Variants in PRKAR2A observed in about 807,000 individuals in gnomAD.
The protein encoded by PRKAR2A is protein kinase cAMP-dependent type II regulatory subunit alpha.
A neutral mutation model predicts 51.9 loss-of-function variants in PRKAR2A; 29 were observed. The observed-to-expected ratio is 0.56, with a 90% confidence interval of 0.42 to 0.76. The LOEUF (loss-of-function observed/expected upper bound fraction) is 0.76, where lower values mean the gene tolerates loss of function less well. Among genes scored for constraint, PRKAR2A ranks in the 30% least tolerant of loss-of-function variants. The probability of loss-of-function intolerance (pLI) is 0.00; values close to 1 mark genes in which losing one functional copy is unlikely to be tolerated. For missense variants in PRKAR2A, 445 were observed against 512.1 expected, an observed-to-expected ratio of 0.87 and a Z score of 1.26; for synonymous variants, 178 against 186.2, an observed-to-expected ratio of 0.96 and a Z score of 0.36.
At chr3:48,813,204 G>A (rs1474034405) in intron 1 of PRKAR2A, among the ~76,000 whole-genome samples, 1 of 149,736 alleles carries the variant, frequency 6.7e-6, no homozygotes, top group African/African-American at 2.5e-5. Flanking sequence ...AGACCAACCT[G>A]GGCAAGGTGG....
At chr3:48,832,502 T>C (rs1295538625) in intron 1 of PRKAR2A, among the ~76,000 whole-genome samples, 2 of 152,070 alleles carry the variant, frequency 1.3e-5, no homozygotes, top group Non-Finnish European at 2.9e-5. Flanking sequence ...AAGAAACATA[T>C]ACTAAATTTT....
intron 5 of PRKAR2A, among the ~76,000 whole-genome samples, chr3:48,780,459 C>T (rs371338066): frequency 1.3e-5 from 2 of 150,878 alleles, no homozygotes; most frequent in South Asian, 2.1e-4. Context: ...AAAAATTAGC[C>T]GGGCATGGTG....
chr3:48,822,289 C>T (rs1433311396), intron 1 of PRKAR2A, among the ~76,000 whole-genome samples: 2 of 151,464 alleles, frequency 1.3e-5, no homozygotes, highest in African/African-American at 2.4e-5. Flanking sequence ...ACACAGCTTG[C>T]ATGGGGTATA....
chr3:48,808,153 T>C (rs2082706397), intron 1 of PRKAR2A, among the ~76,000 whole-genome samples: 1 of 150,404 alleles, frequency 6.6e-6, no homozygotes, highest in African/African-American at 2.4e-5. Flanking sequence ...GTTCACGCCA[T>C]TCTCCTGCCT....
At chr3:48,839,140 T>C (rs2107461405) in intron 1 of PRKAR2A, among the ~76,000 whole-genome samples, 1 of 151,920 alleles carries the variant, frequency 6.6e-6, no homozygotes, top group African/African-American at 2.4e-5. Flanking sequence ...ACACAAACAT[T>C]AGCCGGGCGT....
chr3:48,847,864 G>C lies in PRKAR2A; in HGVS notation c.-268C>G. On this transcript the variant is annotated 5_prime_UTR_variant, in exon 1 of 11. Coordinates refer to ENST00000265563, the MANE Select transcript of PRKAR2A (RefSeq NM_004157.4). The surrounding 1 kb of genome is among the most constrained non-coding windows in gnomAD (Gnocchi z 4.4). ...GGCGAGCTGGACGGGCGGGGCAGGC[G>C]TCCTGGTTGTGACGCACGCCACCGC... 1 of 322,912 alleles carries C rather than the reference G, an allele frequency of 3.1e-6. No homozygotes were observed. 20.0% of individuals were successfully genotyped at this position (322,912 alleles called of 1,614,324 possible). A position where few individuals can be genotyped will look rare whatever the true frequency, so the allele number is the denominator to read the frequency against.
chr3:48,819,471 AG>A (rs1004692367), intron 1 of PRKAR2A, among the ~76,000 whole-genome samples: 3 of 152,220 alleles, frequency 2.0e-5, no homozygotes, highest in Non-Finnish European at 4.4e-5. Context: ...ATTGTACCCA[AG>A]GTCACACAGC....
At chr3:48,815,419 G>T (rs1181234382) in intron 1 of PRKAR2A, among the ~76,000 whole-genome samples, 1 of 151,540 alleles carries the variant, frequency 6.6e-6, no homozygotes, top group East Asian at 1.9e-4. Context: ...GAAGCTGGAC[G>T]GGCACGGTGG....
At chr3:48,835,789 A>C (rs1168515635) in intron 1 of PRKAR2A, among the ~76,000 whole-genome samples, 3 of 151,932 alleles carry the variant, frequency 2.0e-5, no homozygotes, top group Non-Finnish European at 4.4e-5. Flanking sequence ...TCAGTCTCAA[A>C]AAAAAAAAAT....
At chr3:48,754,090 C>T (rs536397481) in intron 9 of PRKAR2A, among the ~76,000 whole-genome samples, 39 of 151,160 alleles carry the variant, frequency 2.6e-4, no homozygotes, top group African/African-American at 8.2e-4. Context: ...TTAGTAGAGA[C>T]GGGGTTTAAC....
At chr3:48,829,503 A>T (rs1334728811) in intron 1 of PRKAR2A, among the ~76,000 whole-genome samples, 1 of 151,090 alleles carries the variant, frequency 6.6e-6, no homozygotes, top group Non-Finnish European at 1.5e-5. Flanking sequence ...TGGGCAACAG[A>T]GCAAGACTCC....
intron 5 of PRKAR2A, among the ~76,000 whole-genome samples, chr3:48,773,780 A>G: frequency 6.6e-6 from 1 of 151,822 alleles, no homozygotes; most frequent in Non-Finnish European, 1.5e-5. Context: ...ATACATACAC[A>G]TAAATATATA....
chr3:48,819,847 A>T (rs1482277765), intron 1 of PRKAR2A, among the ~76,000 whole-genome samples: 1 of 152,172 alleles, frequency 6.6e-6, no homozygotes, highest in Non-Finnish European at 1.5e-5. Context: ...CACTGTGTCA[A>T]CCCACCTCCT....
intron 1 of PRKAR2A, among the ~76,000 whole-genome samples, chr3:48,821,138 C>T (rs532191312): frequency 6.6e-6 from 1 of 152,296 alleles, no homozygotes; most frequent in Admixed American, 6.5e-5. Context: ...GAAAGAACGT[C>T]TCCCTAAGTA....
Position 48,847,317 on chromosome 3 carries a change from G to T in PRKAR2A, c.262+18C>A. On this transcript the variant is annotated intron_variant, in intron 1 of 10. Coordinates refer to ENST00000265563, the MANE Select transcript of PRKAR2A (RefSeq NM_004157.4). This position sits in a 1 kb window ranked among gnomAD's most constrained non-coding sequence, Gnocchi z 4.4. ...GAGACCTCCTGCACCACTCCCCAGG[G>T]CCCCGCCCACAGCCTACCTTCCAAG... The T allele has an allele frequency of 1.9e-6, 3 of 1,612,628 alleles. No homozygotes were observed. Among genetic ancestry groups the T allele is most frequent in the South Asian group, 1.1e-5 (1 of 90,938 alleles).
chr3:48,773,421 G>T (rs1159954884), intron 5 of PRKAR2A, among the ~76,000 whole-genome samples: 1 of 141,140 alleles, frequency 7.1e-6, no homozygotes, highest in African/African-American at 2.7e-5. Context: ...TCAGCTCACT[G>T]CAAGCTCCAC....
chr3:48,836,442 A>AAAAAAAAAAAAAG (rs2083287279), intron 1 of PRKAR2A, among the ~76,000 whole-genome samples: 1 of 129,108 alleles, frequency 7.7e-6, no homozygotes, highest in African/African-American at 3.1e-5. Flanking sequence ...AAAAAAAAAA[A>AAAAAAAAAAAAAG]AAGAAGAAGA....
chr3:48,767,254 G>A (rs549192994), intron 6 of PRKAR2A, among the ~76,000 whole-genome samples: 1 of 152,190 alleles, frequency 6.6e-6, no homozygotes, highest in South Asian at 2.1e-4. Flanking sequence ...CGAGGCAGAC[G>A]GATCGCTTGA....
intron 3 of PRKAR2A, among the ~76,000 whole-genome samples, chr3:48,793,537 T>C (rs2082427774): frequency 6.6e-6 from 1 of 152,164 alleles, no homozygotes; most frequent in Admixed American, 6.6e-5. Context: ...CCTCCCAAAG[T>C]GCTGAGATTA....
Sources: allele counts gnomAD v4.1 joint callset (sites outside exome capture counted in the v4.1 genomes callset), GRCh38; gene constraint gnomAD v4.1.1; non-coding constraint Gnocchi (gnomAD v3.1); transcripts MANE v1.5; gene names NCBI Gene and HGNC (gene_info 2026-07-23, HGNC 2026-07-21).